CNKSR3: variants seen among roughly 807,000 people sequenced by gnomAD.
The protein encoded by CNKSR3 is CNKSR family member 3, also known as connector enhancer of kinase suppressor of ras 3.
CNKSR3 carries 36 observed loss-of-function variants against 67.7 expected under a neutral mutation model. The ratio of observed to expected loss-of-function variants is 0.53; its 90% confidence interval spans 0.41 to 0.70. The LOEUF (loss-of-function observed/expected upper bound fraction) is 0.70. Among genes scored for constraint, CNKSR3 ranks in the 30% least tolerant of loss-of-function variants. The pLI, the probability that CNKSR3 is intolerant of heterozygous loss-of-function variation, is 0.00. For synonymous variants in CNKSR3, 281 were observed against 271.4 expected (o/e 1.04, Z -0.35); for missense variants, 630 against 695.2 (o/e 0.91, Z 1.05).
chr6:154,441,242 C>CAAAAAAAAAAAAAAAAAAA (rs34887626), intron 4 of CNKSR3, 50 bp downstream of exon 4: 5 of 847,476 alleles, frequency 5.9e-6, no homozygotes, highest in African/African-American at 4.4e-5. Context: ...AGAGGAAAAG[C>CAAAAAAAAAAAAAAAAAAA]AAAAAAAAAA....
intron 4 of CNKSR3, chr6:154,433,943 A>G (rs1785420595): frequency 6.5e-6 from 1 of 154,986 alleles, no homozygotes; most frequent in Non-Finnish European, 1.4e-5. Context: ...GCCTATAAGA[A>G]TAGCTTTCAA....
chr6:154,440,320 T>C (rs750539108), intron 4 of CNKSR3, among the ~76,000 whole-genome samples: 3 of 152,206 alleles, frequency 2.0e-5, no homozygotes, highest in African/African-American at 4.8e-5. Flanking sequence ...TTCTTTATGT[T>C]TTGCCAAATC....
At chr6:154,406,897 G>A (rs1042068064) in intron 12 of CNKSR3, among the ~76,000 whole-genome samples, 1 of 151,404 alleles carries the variant, frequency 6.6e-6, no homozygotes, top group Non-Finnish European at 1.5e-5. Context: ...AGGTTGCAGT[G>A]AGCCAAGATC....
At chr6:154,442,735 T>C in intron 2 of CNKSR3, among the ~76,000 whole-genome samples, 1 of 152,058 alleles carries the variant, frequency 6.6e-6, no homozygotes, top group Non-Finnish European at 1.5e-5. Flanking sequence ...CTATGTGATC[T>C]ATCCCCAGCC....
chr6:154,406,365 A>G lies in CNKSR3; in HGVS notation c.1657T>C (p.Leu553=), dbSNP rs768788791. The G allele has an allele frequency of 1.9e-5, 31 of 1,612,186 alleles. No homozygotes were observed. Among genetic ancestry groups the G allele is most frequent in the Non-Finnish European group, 2.4e-5 (28 of 1,179,424 alleles). The change falls in exon 13 of 13, where the codon TTG becomes CTG. Residue 553 remains leucine, a synonymous_variant. Transcript: ENST00000607772. ...GAGCAGGGTCCCTCTCAGTGAGTCA[A>G]CAGTTTGAGGCGCGTAAACCAGCTG... ...LVSWFTRLKL[L]TH
chr6:154,428,056 A>G (rs1785290042), intron 7 of CNKSR3, 72 bp downstream of exon 7: 1 of 1,000,622 alleles, frequency 1.0e-6, no homozygotes, highest in Admixed American at 1.8e-5. Context: ...GTTTAAATTC[A>G]AAGTATAGAG....
Position 154,399,665 on chromosome 6 carries a change from G to C in CNKSR3, c.*6689C>G, listed in dbSNP as rs1458813651. On this transcript the variant is annotated 3_prime_UTR_variant, in exon 13 of 13. Transcript: ENST00000607772. ...TCTTATCCTGGTGCAGCCTCAGTTG[G>C]AGTGACAGGAAGTTTAGATATGAGT... 1 of 152,076 alleles carries C rather than the reference G, an allele frequency of 6.6e-6. No individual in the cohort carries two copies. The highest frequency in any genetic ancestry group is 1.5e-5 in the Non-Finnish European group (1 of 68,026). 9.4% of individuals were successfully genotyped at this position (152,076 alleles called of 1,614,324 possible).
At chr6:154,486,950 C>T (rs1454904010) in intron 1 of CNKSR3, among the ~76,000 whole-genome samples, 1 of 152,174 alleles carries the variant, frequency 6.6e-6, no homozygotes, top group Non-Finnish European at 1.5e-5. Flanking sequence ...GGATTACAGG[C>T]ATGAGCCACT....
intron 1 of CNKSR3, 59 bp downstream of exon 1, chr6:154,510,004 T>A (rs1462240576): frequency 7.6e-6 from 12 of 1,587,418 alleles, no homozygotes; most frequent in Non-Finnish European, 1.0e-5. Flanking sequence ...CTTCCCCAGC[T>A]CCTCGTCCGC....
rs1784578267 is a variant in CNKSR3 at position 154,388,947 on chromosome 6, T to A, written c.*17407A>T. ...GGCCCATTTGTAAAAATTGGGTTTTTTTTTTTTTGCTATTGAGTTATGAAT... is the reference window on the plus strand; with the variant it reads ...GGCCCATTTGTAAAAATTGGGTTTTATTTTTTTTGCTATTGAGTTATGAAT... On this transcript the variant is annotated 3_prime_UTR_variant, in exon 13 of 13. Transcript: ENST00000607772. 6.6e-6 allele frequency: 1 copy of A among 152,032 alleles called. No homozygotes were observed. The allele number at this position is 152,032 out of a possible 1,614,324, so 9.4% of individuals were successfully genotyped here.
At chr6:154,485,083 G>T (rs995406056) in intron 1 of CNKSR3, among the ~76,000 whole-genome samples, 1 of 151,926 alleles carries the variant, frequency 6.6e-6, no homozygotes, top group Non-Finnish European at 1.5e-5. Flanking sequence ...ATTTTTGGTG[G>T]ATTTTTTCAA....
intron 2 of CNKSR3, among the ~76,000 whole-genome samples, chr6:154,445,089 T>G (rs1734284171): frequency 6.6e-6 from 1 of 152,056 alleles, no homozygotes; most frequent in African/African-American, 2.4e-5. Flanking sequence ...ACAAAACAAT[T>G]CTAATTTTAA....
At position 154,403,448 on chromosome 6, in the gene CNKSR3, G is replaced by A. The variant is rs1735395712; in HGVS notation, c.*2906C>T. 6.6e-6 allele frequency: 1 copy of A among 151,262 alleles called. No homozygotes were observed. The highest frequency in any genetic ancestry group is 2.4e-5 in the African/African-American group (1 of 41,132). The allele number at this position is 151,262 out of a possible 1,614,324, so 9.4% of individuals were successfully genotyped here. ...TTTTTTTTAAAGAAATAAAAATAAAGAATCCTGTCAAAAAGCATCATCAAG... is the reference window on the plus strand; with the variant it reads ...TTTTTTTTAAAGAAATAAAAATAAAAAATCCTGTCAAAAAGCATCATCAAG... On this transcript the variant is annotated 3_prime_UTR_variant, in exon 13 of 13. Coordinates refer to ENST00000607772, the MANE Select transcript of CNKSR3 (RefSeq NM_173515.4).
chr6:154,442,040 G>T, intron 3 of CNKSR3, 48 bp downstream of exon 3: 1 of 1,489,266 alleles, frequency 6.7e-7, no homozygotes, highest in Non-Finnish European at 9.1e-7. Context: ...ATGCAGCTTG[G>T]ACTCTATCTA....
Position 154,404,248 on chromosome 6 carries a change from G to A in CNKSR3, c.*2106C>T, listed in dbSNP as rs145904395. ...AGAGTCTCCTTCTGTCACCCAGGCT[G>A]GAGTGCAGTGGCCTGATCTTGGCTC... On this transcript the variant is annotated 3_prime_UTR_variant, in exon 13 of 13. Transcript: ENST00000607772. The A allele has an allele frequency of 0.058, 8,878 of 152,262 alleles. 383 individuals carry two copies. The highest frequency in any genetic ancestry group is 0.12 in the African/African-American group (4,785 of 41,432). 9.4% of individuals were successfully genotyped at this position (152,262 alleles called of 1,614,324 possible).
At chr6:154,464,017 G>A (rs1247065491) in intron 1 of CNKSR3, among the ~76,000 whole-genome samples, 1 of 152,166 alleles carries the variant, frequency 6.6e-6, no homozygotes, top group Admixed American at 6.5e-5. Context: ...GGCACTATTT[G>A]TGTACAGTTA....
At chr6:154,506,947 G>T (rs951186747) in intron 1 of CNKSR3, among the ~76,000 whole-genome samples, 1 of 152,340 alleles carries the variant, frequency 6.6e-6, no homozygotes, top group African/African-American at 2.4e-5. Context: ...GTGTGGTCTA[G>T]ATGTGGCCTT....
At chr6:154,434,748 ATTAT>A (rs1248769053) in intron 4 of CNKSR3, among the ~76,000 whole-genome samples, 1 of 152,208 alleles carries the variant, frequency 6.6e-6, no homozygotes, top group East Asian at 1.9e-4. Flanking sequence ...TGAATTTGAT[ATTAT>A]CTTAAACTAC....
At chr6:154,490,982 G>A (rs572538672) in intron 1 of CNKSR3, among the ~76,000 whole-genome samples, 1 of 151,926 alleles carries the variant, frequency 6.6e-6, no homozygotes, top group Non-Finnish European at 1.5e-5. Flanking sequence ...TGAGTAGCTG[G>A]GATTACAAGC....
Sources: allele counts gnomAD v4.1 joint callset (sites outside exome capture counted in the v4.1 genomes callset), GRCh38; gene constraint gnomAD v4.1.1; transcripts MANE v1.5; gene names NCBI Gene and HGNC (gene_info 2026-07-23, HGNC 2026-07-21).